Variants in SIK3 observed in about 807,000 individuals in gnomAD.
The protein encoded by SIK3 is serine/threonine-protein kinase SIK3.
SIK3 carries 28 observed loss-of-function variants against 144.2 expected under a neutral mutation model. The observed-to-expected ratio is 0.19, with a 90% CI of 0.14 to 0.27. The LOEUF (loss-of-function observed/expected upper bound fraction) is 0.27. Ranked by LOEUF, SIK3 falls within the 10% of genes least tolerant of loss-of-function variation. The pLI is 1.00. For missense variants in SIK3, 1,319 were observed against 1,776.0 expected, an observed-to-expected ratio of 0.74 and a Z score of 4.62; for synonymous variants, 686 against 676.3, an observed-to-expected ratio of 1.01 and a Z score of -0.22.
intron 1 of SIK3, among the ~76,000 whole-genome samples, chr11:117,031,021 A>G (rs745339638): frequency 1.3e-5 from 2 of 152,062 alleles, no homozygotes; most frequent in Non-Finnish European, 1.5e-5. Context: ...TTTAATACTG[A>G]GTTTGGAGTT....
At chr11:117,090,840 A>G (rs1955211590) in intron 1 of SIK3, among the ~76,000 whole-genome samples, 2 of 152,238 alleles carry the variant, frequency 1.3e-5, no homozygotes, top group Non-Finnish European at 2.9e-5. Flanking sequence ...GGTGAAATAC[A>G]GGGTTGGAAT....
chr11:117,027,992 T>A (rs1952092179), intron 1 of SIK3, among the ~76,000 whole-genome samples: 1 of 152,232 alleles, frequency 6.6e-6, no homozygotes, highest in Admixed American at 6.5e-5. Flanking sequence ...AGCCTACATA[T>A]AGAAGATGCT....
chr11:117,098,356 G>C lies in SIK3; in HGVS notation c.60C>G (p.Ala20=). ...GGAAGAGTGG[A]GPAGRLLPPP... ...GAGGCAGCAGGCGGCCCGCGGGCCC[G>C]GCTCCCCCAGTCCCGGCCCCGGCAG... The change falls in exon 1 of 25, where the codon GCC becomes GCG. Residue 20 remains alanine, a synonymous_variant. Transcript: ENST00000445177. 3 of 1,158,962 alleles carry C rather than the reference G, an allele frequency of 2.6e-6. No individual in the cohort carries two copies. Among genetic ancestry groups the C allele is most frequent in the Non-Finnish European group, 3.2e-6 (3 of 944,064 alleles). The allele number at this position is 1,158,962 out of a possible 1,614,324, so 71.8% of individuals were successfully genotyped here. A position where few individuals can be genotyped will look rare whatever the true frequency, so the allele number is the denominator to read the frequency against.
intron 1 of SIK3, among the ~76,000 whole-genome samples, chr11:117,039,498 G>A (rs1201232370): frequency 6.6e-6 from 1 of 152,136 alleles, no homozygotes; most frequent in South Asian, 2.1e-4. Flanking sequence ...GTGTATAAAT[G>A]GTGCAATGTA....
intron 1 of SIK3, among the ~76,000 whole-genome samples, chr11:117,047,281 G>A (rs943189376): frequency 6.6e-6 from 1 of 152,166 alleles, no homozygotes; most frequent in African/African-American, 2.4e-5. Context: ...CTTGATAAAA[G>A]GAAGTTTCAC....
chr11:117,004,592 G>A (rs1439666498), intron 1 of SIK3, among the ~76,000 whole-genome samples: 1 of 152,142 alleles, frequency 6.6e-6, no homozygotes, highest in Non-Finnish European at 1.5e-5. Context: ...AGTGCATTTT[G>A]CTAATCAATT....
At chr11:116,966,557 T>G (rs1164943318) in intron 1 of SIK3, among the ~76,000 whole-genome samples, 6 of 152,212 alleles carry the variant, frequency 3.9e-5, no homozygotes, top group African/African-American at 1.2e-4. Flanking sequence ...TAAGTGCTTA[T>G]GCATAGAATT....
rs567361941 is a variant in SIK3 at position 117,024,784 on chromosome 11, C to A, written c.274-67720G>T. On this transcript the variant is annotated intron_variant, in intron 1 of 24. Transcript: ENST00000445177. ...GGCGTGGTGGCATGTGCCTGTAGTCCCAGCTACTTAGCAGGCTGAGGTGGG... is the reference window on the plus strand; with the variant it reads ...GGCGTGGTGGCATGTGCCTGTAGTCACAGCTACTTAGCAGGCTGAGGTGGG... Among the ~76,000 whole-genome samples, 6 of 152,112 alleles carry A rather than the reference C, an allele frequency of 3.9e-5. No individual in the cohort carries two copies. In the South Asian group the frequency reaches 1.2e-3, roughly 32 times the overall value.
chr11:117,080,448 T>A (rs1020448165), intron 1 of SIK3, among the ~76,000 whole-genome samples: 3 of 152,180 alleles, frequency 2.0e-5, no homozygotes, highest in Non-Finnish European at 4.4e-5. Context: ...ACATTGTATA[T>A]ATCATGATGG....
chr11:117,062,119 G>A (rs1953821663), intron 1 of SIK3, among the ~76,000 whole-genome samples: 1 of 151,946 alleles, frequency 6.6e-6, no homozygotes, highest in Admixed American at 6.6e-5. Flanking sequence ...GAGGTCAGGA[G>A]TTCAAGACCA....
At position 116,846,489 on chromosome 11, in the gene SIK3, G is replaced by A; in HGVS notation, c.4017C>T (p.Asn1339=). The change falls in exon 24 of 25, where the codon AAC becomes AAT. Residue 1339 remains asparagine, a synonymous_variant. Coordinates refer to ENST00000445177, the MANE Select transcript of SIK3 (RefSeq NM_001366686.3). This position sits in a 1 kb window ranked among gnomAD's most constrained non-coding sequence, Gnocchi z 4.1. The stretch of plus-strand genomic sequence containing the variant: ...TACACGTAGATGGATAGCAAGAGGA[G>A]TTTAAATGCTGGCTGCCATCACTCA... ...PDLSDGSQHL[N]SSCYPSTCIT... is the part of the protein sequence containing the mutation. 1 of 1,614,226 alleles carries A rather than the reference G, an allele frequency of 6.2e-7. No homozygotes were observed. The highest frequency in any genetic ancestry group is 1.1e-5 in the South Asian group (1 of 91,088).
chr11:116,900,261 C>T (rs1048289342), intron 4 of SIK3, among the ~76,000 whole-genome samples: 7 of 152,176 alleles, frequency 4.6e-5, no homozygotes, highest in African/African-American at 9.7e-5. Context: ...CTTTCTCCCT[C>T]GTTTCCCATT....
At chr11:116,852,361 A>G (rs957330183) in intron 21 of SIK3, among the ~76,000 whole-genome samples, 1 of 152,174 alleles carries the variant, frequency 6.6e-6, no homozygotes, top group African/African-American at 2.4e-5. Flanking sequence ...GCAAGCAACC[A>G]CCTGACAAAT....
At chr11:116,924,876 T>C (rs1221880187) in intron 4 of SIK3, among the ~76,000 whole-genome samples, 1 of 152,212 alleles carries the variant, frequency 6.6e-6, no homozygotes. Flanking sequence ...AGCCTTACAG[T>C]GACATCTGTG....
chr11:117,055,435 C>T (rs1008209871), intron 1 of SIK3, among the ~76,000 whole-genome samples: 1 of 152,150 alleles, frequency 6.6e-6, no homozygotes, highest in Non-Finnish European at 1.5e-5. Context: ...GAAACAGAAA[C>T]ATAGAGACAA....
At chr11:117,094,431 C>T (rs1212025049) in intron 1 of SIK3, among the ~76,000 whole-genome samples, 2 of 76,006 alleles carry the variant, frequency 2.6e-5, no homozygotes, top group East Asian at 2.8e-4. Context: ...ATAATGAGAC[C>T]CCCATCTCTA....
At chr11:117,075,772 T>C (rs1954488817) in intron 1 of SIK3, among the ~76,000 whole-genome samples, 1 of 149,684 alleles carries the variant, frequency 6.7e-6, no homozygotes, top group Non-Finnish European at 1.5e-5. Context: ...CTCGATCTCC[T>C]GACCTTATGA....
At chr11:117,030,727 G>A (rs1270182125) in intron 1 of SIK3, among the ~76,000 whole-genome samples, 1 of 152,106 alleles carries the variant, frequency 6.6e-6, no homozygotes, top group Non-Finnish European at 1.5e-5. Context: ...CTGGTGTGCA[G>A]TGGCAGGACT....
chr11:116,877,328 TTTATA>T (rs1944306725), intron 6 of SIK3, among the ~76,000 whole-genome samples: 1 of 152,212 alleles, frequency 6.6e-6, no homozygotes. Context: ...ATTTCATTTA[TTTATA>T]TTATGTATAT....
Sources: gnomAD v4.1 joint callset for allele counts (sites outside exome capture counted in the v4.1 genomes callset) on GRCh38, gnomAD v4.1.1 for gene constraint, Gnocchi (gnomAD v3.1) non-coding constraint, MANE v1.5 for transcripts, NCBI Gene and HGNC (gene_info 2026-07-23, HGNC 2026-07-21) for gene names.